The following CHLSN variants were observed in gnomAD, a reference collection of about 807,000 sequenced individuals.
CHLSN encodes protein cholesin.
At chr7:1,079,628 G>C in the CHLSN span, among the ~76,000 whole-genome samples, 1 of 152,222 alleles carries the variant, frequency 6.6e-6, no homozygotes. Flanking sequence ...CAATGTAGAC[G>C]TGTGACGGGA....
the CHLSN span, among the ~76,000 whole-genome samples, chr7:1,059,452 C>G: frequency 2.6e-5 from 4 of 151,948 alleles, no homozygotes; most frequent in Non-Finnish European, 5.9e-5. Context: ...GCCTGTTCCA[C>G]TTGAGCGAAC....
the CHLSN span, among the ~76,000 whole-genome samples, chr7:1,066,443 C>T: frequency 3.3e-5 from 5 of 152,224 alleles, no homozygotes; most frequent in East Asian, 1.9e-4. Flanking sequence ...GCCTGTTTCC[C>T]GGCGGGGGGC....
At chr7:1,117,264 G>A in the CHLSN span, among the ~76,000 whole-genome samples, 5 of 73,322 alleles carry the variant, frequency 6.8e-5, no homozygotes, top group South Asian at 5.2e-4. Flanking sequence ...TCTACGGACC[G>A]GCTTCCATCA....
chr7:1,016,657 A>G, the CHLSN span, among the ~76,000 whole-genome samples: 6,105 of 52,452 alleles, frequency 0.12, 767 homozygotes, highest in African/African-American at 0.26. Flanking sequence ...AGCAGCACAC[A>G]GCAGCGCACA....
the CHLSN span, among the ~76,000 whole-genome samples, chr7:1,126,359 CAAAAAAAAAA>C: frequency 5.7e-4 from 23 of 40,516 alleles, no homozygotes; most frequent in African/African-American, 1.7e-3. Flanking sequence ...GACTCTGTCT[CAAAAAAAAAA>C]AAAAAAAAAA....
the CHLSN span, among the ~76,000 whole-genome samples, chr7:1,096,113 G>A: frequency 1.3e-5 from 2 of 152,206 alleles, no homozygotes; most frequent in Non-Finnish European, 2.9e-5. This position sits in a 1 kb window ranked among gnomAD's most constrained non-coding sequence, Gnocchi z 4.6. Flanking sequence ...CACAGACGCG[G>A]CTTCCATCCT....
At chr7:1,057,611 G>A in the CHLSN span, 1 of 770,248 alleles carries the variant, frequency 1.3e-6, no homozygotes, top group Non-Finnish European at 2.4e-6. Flanking sequence ...TGTCGCTGCT[G>A]GGCCTGGTGG....
chr7:1,115,475 C>G, the CHLSN span, among the ~76,000 whole-genome samples: 1 of 152,096 alleles, frequency 6.6e-6, no homozygotes. Context: ...CACCAACGCC[C>G]ACGCAGGATG....
the CHLSN span, among the ~76,000 whole-genome samples, chr7:993,595 T>A: frequency 3.9e-5 from 6 of 151,956 alleles, no homozygotes; most frequent in Non-Finnish European, 8.8e-5. Context: ...GGCAACACAG[T>A]GAGGCCCCCC....
chr7:1,111,707 T>A, the CHLSN span, among the ~76,000 whole-genome samples: 4 of 151,570 alleles, frequency 2.6e-5, no homozygotes, highest in Non-Finnish European at 4.4e-5. Context: ...GAGGCTGAGG[T>A]GGGAGGATCA....
the CHLSN span, among the ~76,000 whole-genome samples, chr7:1,125,777 C>T: frequency 6.6e-6 from 1 of 152,352 alleles, no homozygotes; most frequent in African/African-American, 2.4e-5. Flanking sequence ...CACGGAAAGC[C>T]CTGCCCTTCC....
At chr7:1,029,690 G>T in the CHLSN span, among the ~76,000 whole-genome samples, 72 of 152,264 alleles carry the variant, frequency 4.7e-4, no homozygotes, top group Admixed American at 2.0e-3. Flanking sequence ...CAGGGTCCAG[G>T]ACACACTGAG....
At chr7:1,037,489 C>T in the CHLSN span, among the ~76,000 whole-genome samples, 1 of 137,590 alleles carries the variant, frequency 7.3e-6, no homozygotes, top group Non-Finnish European at 1.6e-5. Flanking sequence ...CGAGTGATCC[C>T]GCCAACCTCA....
At chr7:1,027,383 C>G in the CHLSN span, among the ~76,000 whole-genome samples, 1 of 152,278 alleles carries the variant, frequency 6.6e-6, no homozygotes, top group Non-Finnish European at 1.5e-5. Context: ...ACGCCTGGTC[C>G]ACGGCCCCCG....
At chr7:1,117,664 C>T in the CHLSN span, among the ~76,000 whole-genome samples, 1 of 147,680 alleles carries the variant, frequency 6.8e-6, no homozygotes, top group Non-Finnish European at 1.5e-5. Flanking sequence ...CTTCCATCAC[C>T]GACGCCCATG....
the CHLSN span, among the ~76,000 whole-genome samples, chr7:1,005,555 G>A: frequency 1.1e-4 from 16 of 152,218 alleles, no homozygotes; most frequent in African/African-American, 1.4e-4. Context: ...GCTGTCCCTC[G>A]GCAGCGGGGC....
the CHLSN span, chr7:1,028,300 G>T: frequency 9.5e-7 from 1 of 1,053,272 alleles, no homozygotes; most frequent in Non-Finnish European, 1.1e-6. Context: ...GACGGCGCCG[G>T]GGCAGGGATG....
chr7:1,104,939 G>C, the CHLSN span, among the ~76,000 whole-genome samples: 1 of 152,182 alleles, frequency 6.6e-6, no homozygotes, highest in African/African-American at 2.4e-5. Flanking sequence ...GAATAAATGT[G>C]ATGTTAGTTC....
the CHLSN span, chr7:984,854 C>T: frequency 2.2e-5 from 32 of 1,465,068 alleles, no homozygotes; most frequent in South Asian, 9.4e-5. Context: ...CAGCCAGTCT[C>T]GCTGCCCTGT....
Sources: allele counts gnomAD v4.1 joint callset (sites outside exome capture counted in the v4.1 genomes callset), GRCh38; gene constraint gnomAD v4.1.1; non-coding constraint Gnocchi (gnomAD v3.1); transcripts MANE v1.5; gene names NCBI Gene and HGNC (gene_info 2026-07-23, HGNC 2026-07-21).